Variants in EPHA5 observed in about 807,000 individuals in gnomAD.
EPHA5 encodes EPH receptor A5.
Under a neutral mutation model 105.0 loss-of-function variants are expected in EPHA5, and 60 were observed. That is an observed-to-expected ratio of 0.57 (90% confidence interval 0.46 to 0.71). The LOEUF is 0.71. Among genes scored for constraint, EPHA5 ranks in the 30% least tolerant of loss-of-function variants. The pLI is 0.00. For missense variants in EPHA5, 1,218 were observed against 1,274.7 expected, an observed-to-expected ratio of 0.96 and a Z score of 0.68; for synonymous variants, 513 against 449.1, an observed-to-expected ratio of 1.14 and a Z score of -1.80.
At chr4:65,518,880 A>T (rs566793122) in intron 3 of EPHA5, among the ~76,000 whole-genome samples, 1 of 152,282 alleles carries the variant, frequency 6.6e-6, no homozygotes, top group South Asian at 2.1e-4. Context: ...GAATTCTACC[A>T]GAGGTACGAG....
intron 3 of EPHA5, among the ~76,000 whole-genome samples, chr4:65,548,947 A>C (rs1737638092): frequency 6.6e-6 from 1 of 152,178 alleles, no homozygotes; most frequent in Admixed American, 6.6e-5. Flanking sequence ...AATGCTGTAA[A>C]AAATAAAATT....
intron 3 of EPHA5, among the ~76,000 whole-genome samples, chr4:65,590,271 A>G (rs1241535456): frequency 6.6e-6 from 1 of 152,190 alleles, no homozygotes; most frequent in Non-Finnish European, 1.5e-5. Flanking sequence ...CATATCAACA[A>G]ATCACTTTGG....
At chr4:65,373,946 T>C (rs1001650645) in intron 8 of EPHA5, among the ~76,000 whole-genome samples, 1 of 151,942 alleles carries the variant, frequency 6.6e-6, no homozygotes, top group Non-Finnish European at 1.5e-5. Context: ...AGGGATATTT[T>C]AGATGGATTT....
Position 65,490,695 on chromosome 4 carries a change from G to A in EPHA5, c.1084C>T (p.Arg362Trp), listed in dbSNP as rs764384268. ...TCATTAACATTTGAGATGGCATTCCGAGGAGCAGAGGGGGGTCCTGGTTTA... is the reference window on the plus strand; with the variant it reads ...TCATTAACATTTGAGATGGCATTCCAAGGAGCAGAGGGGGGTCCTGGTTTA... ...MACTRPPSAP[R>W]NAISNVNETS... Residue 362 changes from arginine to tryptophan, a missense_variant, in exon 5 of 17, where the codon CGG becomes TGG. Physicochemically the swap from Arg to Trp is moderately radical, Grantham distance 101. Coordinates refer to ENST00000613740, the MANE Select transcript of EPHA5 (RefSeq NM_001281766.3). 6.8e-6 allele frequency: 11 copies of A among 1,613,670 alleles called. No homozygotes were observed. In the Middle Eastern group the frequency reaches 5.0e-4, roughly 73 times the overall value.
Position 65,322,870 on chromosome 4 carries a change from C to T in EPHA5, c.*1244G>A. ...TATATATATATATTTGTCATAATTC[C>T]ATTGCTGCCTTAGAGTCAAAATTTC... On this transcript the variant is annotated 3_prime_UTR_variant, in exon 17 of 17. Transcript: ENST00000613740. 4.4e-6 allele frequency: 1 copy of T among 228,480 alleles called. No individual in the cohort carries two copies. Among genetic ancestry groups the T allele is most frequent in the East Asian group, 6.2e-5 (1 of 16,116 alleles). 14.2% of individuals were successfully genotyped at this position (228,480 alleles called of 1,614,324 possible). A position where few individuals can be genotyped will look rare whatever the true frequency, so the allele number is the denominator to read the frequency against.
chr4:65,637,381 GGA>G (rs1747224200), intron 2 of EPHA5, among the ~76,000 whole-genome samples: 1 of 151,238 alleles, frequency 6.6e-6, no homozygotes, highest in Non-Finnish European at 1.5e-5. Flanking sequence ...AAGTCAAAGA[GGA>G]GAATTTGCAT....
At chr4:65,517,572 T>C (rs1378501786) in intron 3 of EPHA5, among the ~76,000 whole-genome samples, 1 of 151,912 alleles carries the variant, frequency 6.6e-6, no homozygotes, top group African/African-American at 2.4e-5. Context: ...TGTCTGTTTT[T>C]TCACCCTCTG....
At chr4:65,658,608 A>C in intron 1 of EPHA5, among the ~76,000 whole-genome samples, 1 of 152,120 alleles carries the variant, frequency 6.6e-6, no homozygotes, top group East Asian at 1.9e-4. Flanking sequence ...TTTATGGAGC[A>C]CATTATTAAT....
At chr4:65,495,601 G>A (rs2149227162) in intron 3 of EPHA5, 58 bp from the exon 4 acceptor site, 3 of 1,409,564 alleles carry the variant, frequency 2.1e-6, no homozygotes, top group South Asian at 1.3e-5. Flanking sequence ...TGTTTGTTTT[G>A]TGAATAATGT....
intron 14 of EPHA5, among the ~76,000 whole-genome samples, chr4:65,343,690 A>G (rs2148829750): frequency 6.6e-6 from 1 of 152,340 alleles, no homozygotes; most frequent in Non-Finnish European, 1.5e-5. Context: ...TTAATGCTGT[A>G]TCTGAAAACT....
chr4:65,634,030 C>G (rs13114860), intron 2 of EPHA5, among the ~76,000 whole-genome samples: 1 of 151,862 alleles, frequency 6.6e-6, no homozygotes, highest in Non-Finnish European at 1.5e-5. Flanking sequence ...GAACTGCTAA[C>G]GAGGAGGAAC....
chr4:65,357,557 A>G (rs1029043234), intron 11 of EPHA5, among the ~76,000 whole-genome samples: 2 of 151,454 alleles, frequency 1.3e-5, no homozygotes, highest in African/African-American at 4.8e-5. Flanking sequence ...CATTACCCAC[A>G]TATGATCCAA....
chr4:65,650,495 G>A (rs1000247838), intron 1 of EPHA5, among the ~76,000 whole-genome samples: 1 of 149,594 alleles, frequency 6.7e-6, no homozygotes, highest in African/African-American at 2.5e-5. Context: ...AGGAGGCGGA[G>A]CTTGCAGTGA....
chr4:65,412,423 A>C (rs1722997531), intron 7 of EPHA5, among the ~76,000 whole-genome samples: 1 of 152,176 alleles, frequency 6.6e-6, no homozygotes, highest in South Asian at 2.1e-4. Flanking sequence ...TTGTTGAATT[A>C]TATTCAGAAA....
In EPHA5 at chr4:65,669,750, G is replaced by T. The variant is rs781629045; in HGVS notation, c.-8C>A. 1 of 1,253,328 alleles carries T rather than the reference G, an allele frequency of 8.0e-7. No individual in the cohort carries two copies. The highest frequency in any genetic ancestry group is 4.2e-5 in the Admixed American group (1 of 23,996). 77.6% of individuals were successfully genotyped at this position (1,253,328 alleles called of 1,614,324 possible). A position where few individuals can be genotyped will look rare whatever the true frequency, so the allele number is the denominator to read the frequency against. ...GGGCCCCGAGCCCCGCATCTTCTCC[G>T]AGCCTCCTCCGGTGCCGCTGTCCCG... is the stretch of plus-strand genomic sequence containing the variant. On this transcript the variant is annotated 5_prime_UTR_variant, in exon 1 of 17. Transcript: ENST00000613740.
At chr4:65,548,974 G>A (rs1737641377) in intron 3 of EPHA5, among the ~76,000 whole-genome samples, 1 of 152,142 alleles carries the variant, frequency 6.6e-6, no homozygotes, top group Non-Finnish European at 1.5e-5. Flanking sequence ...CTCTAACCTA[G>A]CAGTGTCCTG....
chr4:65,574,426 G>A (rs1246787075), intron 3 of EPHA5: 4 of 452,014 alleles, frequency 8.8e-6, no homozygotes, highest in Non-Finnish European at 1.4e-5. Context: ...TCAAATACAT[G>A]TATTCATACT....
intron 16 of EPHA5, among the ~76,000 whole-genome samples, chr4:65,328,122 A>T (rs1256995952): frequency 2.0e-5 from 3 of 151,104 alleles, no homozygotes; most frequent in Non-Finnish European, 4.5e-5. Context: ...GATCATGCAT[A>T]ATCTTAAGTA....
At chr4:65,378,643 T>A (rs1416638571) in intron 8 of EPHA5, among the ~76,000 whole-genome samples, 3 of 151,846 alleles carry the variant, frequency 2.0e-5, no homozygotes, top group Non-Finnish European at 4.4e-5. Context: ...TGTGGCAGAG[T>A]TGAGGAGTTG....
Sources: allele counts gnomAD v4.1 joint callset (sites outside exome capture counted in the v4.1 genomes callset), GRCh38; gene constraint gnomAD v4.1.1; transcripts MANE v1.5; gene names NCBI Gene and HGNC (gene_info 2026-07-23, HGNC 2026-07-21).